SMG1: variants seen among roughly 807,000 people sequenced by gnomAD.
SMG1 encodes SMG1 nonsense mediated mRNA decay associated PI3K related kinase, also known as serine/threonine-protein kinase SMG1.
A neutral mutation model predicts 419.9 loss-of-function variants in SMG1; 22 were observed. The ratio of observed to expected loss-of-function variants is 0.05; its 90% CI spans 0.04 to 0.07. The LOEUF is 0.07. Ranked by LOEUF, SMG1 falls within the 10% of genes least tolerant of loss-of-function variation. The pLI is 1.00. For missense variants in SMG1, 3,185 were observed against 4,342.0 expected (o/e 0.73, Z 7.49); for synonymous variants, 1,538 against 1,553.5 (o/e 0.99, Z 0.23).
At position 18,849,522 on chromosome 16, in the gene SMG1, T is replaced by A. The variant is rs543326427; in HGVS notation, c.5462-144A>T. The A allele has an allele frequency of 3.1e-5, 25 of 794,478 alleles. No individual in the cohort carries two copies. The African/African-American group carries it at 3.8e-4, about 12-fold the overall frequency. The allele number at this position is 794,478 out of a possible 1,614,324, so 49.2% of individuals were successfully genotyped here. On this transcript the variant is annotated intron_variant, in intron 35 of 62. Transcript: ENST00000446231. ...GAGTTCAAATTTCTCCCTGTGATAA[T>A]AAAGAACCATACACAATAGTTCTTG...
Position 18,896,103 on chromosome 16 carries a change from C to T in SMG1, c.361G>A (p.Val121Ile), listed in dbSNP as rs758205564. 5 of 1,602,278 alleles carry T rather than the reference C, an allele frequency of 3.1e-6. No homozygotes were observed. The African/African-American group carries it at 4.0e-5, about 13-fold the overall frequency. ...GCTAAAGCACGACTGCCATGCTGAA[C>T]ACTGGTGAACTCAGGGCTGGTCACA... is the stretch of plus-strand genomic sequence containing the variant. ...NNVTSPEFTS[V>I]QHGSRALATK... Residue 121 changes from valine (V) to isoleucine (I), a missense_variant, in exon 3 of 63, where the codon GTT becomes ATT. Transcript: ENST00000446231.
At chr16:18,834,045 A>G (rs559616197) in intron 50 of SMG1, among the ~76,000 whole-genome samples, 159 bp downstream of exon 50, 151 of 152,232 alleles carry the variant, frequency 9.9e-4, no homozygotes, top group Non-Finnish European at 1.9e-3. Context: ...AGCAACTGTA[A>G]CCAAGTTATA....
intron 53 of SMG1, 45 bp from the exon 54 acceptor site, chr16:18,829,800 T>C (rs1016605330): frequency 1.3e-6 from 2 of 1,527,826 alleles, no homozygotes; most frequent in African/African-American, 1.4e-5. Context: ...AAAAATCAGG[T>C]AATATGCTGC....
In SMG1 at chr16:18,835,065, G is replaced by A. The variant is rs1315875702; in HGVS notation, c.8157C>T (p.Ser2719=). 6.2e-7 allele frequency: 1 copy of A among 1,614,012 alleles called. No individual in the cohort carries two copies. The highest frequency in any genetic ancestry group is 1.1e-5 in the South Asian group (1 of 91,084). The change falls in exon 49 of 63, where the codon AGC becomes AGT. Residue 2719 remains serine, a synonymous_variant. Coordinates refer to ENST00000446231, the MANE Select transcript of SMG1 (RefSeq NM_015092.5). ...TLQRYAADIN[S]RLIRQVERLK... ...AGCGTTCCACTTGTCTAATAAGTCT[G>A]CTGTTGATGTCTGCTGCGTATCGCT...
At chr16:18,830,486 C>T in intron 51 of SMG1, 117 bp from the exon 52 acceptor site, 6 of 1,197,138 alleles carry the variant, frequency 5.0e-6, no homozygotes, top group Non-Finnish European at 7.1e-6. Flanking sequence ...AGCCTTCTGG[C>T]ATTAAGAAGA....
intron 10 of SMG1, among the ~76,000 whole-genome samples, chr16:18,880,722 G>GGT (rs1555501208): frequency 3.2e-5 from 1 of 30,944 alleles, no homozygotes; most frequent in Non-Finnish European, 7.4e-5. Flanking sequence ...AAAAAAAAAA[G>GGT]GGGGGGGGCG....
chr16:18,805,020 A>G lies in SMG1; in HGVS notation c.*4549T>C, dbSNP rs1258507197. On this transcript the variant is annotated 3_prime_UTR_variant, in exon 63 of 63. Coordinates refer to ENST00000446231, the MANE Select transcript of SMG1 (RefSeq NM_015092.5). ...TGTGATTTATTCAACTTTTAAATAC[A>G]ATCACAAAATTATATCCATCAGGAG... The G allele has an allele frequency of 3.3e-5, 5 of 152,694 alleles. No individual in the cohort carries two copies. 9.5% of individuals were successfully genotyped at this position (152,694 alleles called of 1,614,324 possible).
intron 13 of SMG1, among the ~76,000 whole-genome samples, chr16:18,874,244 T>C (rs1166950196): frequency 1.3e-5 from 2 of 151,988 alleles, no homozygotes; most frequent in Non-Finnish European, 2.9e-5. Flanking sequence ...GTTCAAGCAA[T>C]TCTCCCAACT....
At chr16:18,815,388 C>A (rs577192059) in intron 59 of SMG1, 52 bp downstream of exon 59, 1 of 1,578,404 alleles carries the variant, frequency 6.3e-7, no homozygotes, top group Non-Finnish European at 8.7e-7. Context: ...ACTTCTTATA[C>A]CAGTAGTTTT....
At chr16:18,867,641 C>T (rs1183947848) in intron 22 of SMG1, among the ~76,000 whole-genome samples, 2 of 150,364 alleles carry the variant, frequency 1.3e-5, no homozygotes, top group African/African-American at 2.4e-5. Flanking sequence ...ATAGTTTTAA[C>T]GTGTTCTAAC....
chr16:18,865,059 C>T (rs2035427441), intron 23 of SMG1, among the ~76,000 whole-genome samples: 2 of 152,092 alleles, frequency 1.3e-5, no homozygotes, highest in Non-Finnish European at 2.9e-5. Context: ...AGTAACAGAT[C>T]TAGATGCATA....
In SMG1 at chr16:18,833,060, A is replaced by C. The variant is rs577789874; in HGVS notation, c.8672T>G (p.Ile2891Ser). The C allele has an allele frequency of 6.2e-7, 1 of 1,613,968 alleles. No individual in the cohort carries two copies. The stretch of plus-strand genomic sequence containing the variant: ...GGGAACGCCATCGGTGGTCTGCTCA[A>C]TAAGACCGTCCAGTTCATGCAGCAT... ...ESMLHELDGLIEQTTDGVPLQ... is the reference protein window; with the variant it reads ...ESMLHELDGLSEQTTDGVPLQ... Residue 2891 changes from isoleucine (I) to serine (S), a missense_variant, in exon 51 of 63, where the codon ATT becomes AGT. Transcript: ENST00000446231.
At chr16:18,886,242 A>G (rs568806216) in intron 6 of SMG1, among the ~76,000 whole-genome samples, 165 of 152,232 alleles carry the variant, frequency 1.1e-3, no homozygotes, top group African/African-American at 3.8e-3. Flanking sequence ...ATTTTATATA[A>G]TCTATGCTTT....
chr16:18,875,100 T>C (rs2036050407), intron 13 of SMG1: 2 of 152,416 alleles, frequency 1.3e-5, no homozygotes, highest in African/African-American at 4.8e-5. Flanking sequence ...ACACCTTCTA[T>C]TCATAGCCTG....
At chr16:18,873,103 G>A (rs185760702) in intron 13 of SMG1, among the ~76,000 whole-genome samples, 3 of 152,026 alleles carry the variant, frequency 2.0e-5, no homozygotes, top group Admixed American at 1.3e-4. Flanking sequence ...GCAGTGACCC[G>A]AGATCATACC....
chr16:18,906,866 G>T (rs1397282253), intron 1 of SMG1, among the ~76,000 whole-genome samples: 1 of 152,190 alleles, frequency 6.6e-6, no homozygotes, highest in African/African-American at 2.4e-5. Context: ...CCAAGATACA[G>T]TTCAGGCCTC....
intron 50 of SMG1, among the ~76,000 whole-genome samples, chr16:18,833,567 A>G (rs1454378563): frequency 1.4e-5 from 1 of 69,882 alleles, no homozygotes; most frequent in Non-Finnish European, 4.0e-5. Context: ...ATTTCCCTTC[A>G]AAAAAAAAAA....
rs1250652855 is a variant in SMG1, at chr16:18,837,384, G to T, written c.7473C>A (p.Ser2491Arg). ...MLVVLPKLDG[S>R]LDEYLSLQEQ... is the part of the protein sequence containing the mutation. ...CTTGCAAGCTTAGGTATTCATCTAA[G>T]CTACCGTCCAACTTGGGAAGCACAA... The change falls in exon 46 of 63, where the codon AGC (serine) becomes AGA (arginine). Residue 2491 changes from serine (S) to arginine (R), a missense_variant. Ser to Arg is a moderately radical substitution (Grantham distance 110). This residue lies in a region of SMG1 where 412 missense variants were observed against 546.6 expected (regional missense o/e 0.75). Coordinates refer to ENST00000446231, the MANE Select transcript of SMG1 (RefSeq NM_015092.5). 1.2e-6 allele frequency: 2 copies of T among 1,613,910 alleles called. No homozygotes were observed.
intron 9 of SMG1, among the ~76,000 whole-genome samples, chr16:18,882,783 C>A (rs1267703673): frequency 1.3e-5 from 2 of 152,116 alleles, no homozygotes; most frequent in African/African-American, 2.4e-5. Flanking sequence ...GATTACAAGA[C>A]CTGGTCTACA....
Sources: allele counts gnomAD v4.1 joint callset (sites outside exome capture counted in the v4.1 genomes callset), GRCh38; gene constraint gnomAD v4.1.1; regional missense constraint gnomAD v4.1.1; transcripts MANE v1.5; gene names NCBI Gene and HGNC (gene_info 2026-07-23, HGNC 2026-07-21).